Variants in TRHDE observed in about 807,000 individuals in gnomAD.
TRHDE encodes thyrotropin-releasing hormone-degrading ectoenzyme.
In TRHDE, 72 loss-of-function variants were observed where a neutral mutation model predicts 125.7. That is an observed-to-expected ratio of 0.57 (90% CI 0.47 to 0.70). TRHDE has a LOEUF of 0.70. TRHDE is among the 30% of genes least tolerant of loss of function. TRHDE has a pLI of 0.00. For missense variants in TRHDE, 1,110 were observed against 1,327.1 expected (o/e 0.84, Z 2.54); for synonymous variants, 509 against 509.1 (o/e 1.00, Z 0.00).
intron 5 of TRHDE, among the ~76,000 whole-genome samples, chr12:72,475,344 T>A (rs917441084): frequency 1.6e-4 from 25 of 152,170 alleles, no homozygotes; most frequent in Non-Finnish European, 1.5e-5. Flanking sequence ...TTATTACAAG[T>A]GATGTGTTAT....
At chr12:72,391,279 T>C (rs1333550829) in intron 3 of TRHDE, among the ~76,000 whole-genome samples, 2 of 152,216 alleles carry the variant, frequency 1.3e-5, no homozygotes, top group Non-Finnish European at 2.9e-5. Context: ...TACTTTGAAA[T>C]GTAAAGTAGA....
At chr12:72,347,140 T>C (rs1278277855) in intron 2 of TRHDE, among the ~76,000 whole-genome samples, 4 of 152,128 alleles carry the variant, frequency 2.6e-5, no homozygotes, top group East Asian at 1.9e-4. Flanking sequence ...GGCATATTTC[T>C]AAATAAATTC....
In TRHDE at chr12:72,325,253, T is replaced by C. The variant is rs1472735217; in HGVS notation, c.1188+38299T>C. On this transcript the variant is annotated intron_variant, in intron 2 of 18. Coordinates refer to ENST00000261180, the MANE Select transcript of TRHDE (RefSeq NM_013381.3). ...TAATTCTAAATGAAATTCTATTTCTTCAGTTTAAATCTGTACCCCCCAGTT... is the reference window on the plus strand; with the variant it reads ...TAATTCTAAATGAAATTCTATTTCTCCAGTTTAAATCTGTACCCCCCAGTT... 5.9e-5 allele frequency among the ~76,000 whole-genome samples: 9 copies of C among 152,154 alleles called. No individual in the cohort carries two copies. In the South Asian group the frequency reaches 1.9e-3, roughly 31 times the overall value.
chr12:72,610,287 T>G (rs1218047503), intron 12 of TRHDE, among the ~76,000 whole-genome samples: 1 of 152,218 alleles, frequency 6.6e-6, no homozygotes. Context: ...TCATGCATAG[T>G]CTGTCTTTAA....
At chr12:72,292,172 G>A (rs1345171380) in intron 2 of TRHDE, among the ~76,000 whole-genome samples, 1 of 152,100 alleles carries the variant, frequency 6.6e-6, no homozygotes, top group East Asian at 1.9e-4. Context: ...TCTTTATAAA[G>A]CCTTTTGCCT....
intron 2 of TRHDE, among the ~76,000 whole-genome samples, chr12:72,326,469 T>G (rs1330655621): frequency 6.6e-6 from 1 of 152,114 alleles, no homozygotes; most frequent in East Asian, 1.9e-4. Context: ...AAAACCTAGA[T>G]GACGGGTTGA....
At chr12:72,349,398 T>A (rs1402929235) in intron 2 of TRHDE, among the ~76,000 whole-genome samples, 1 of 152,090 alleles carries the variant, frequency 6.6e-6, no homozygotes, top group Non-Finnish European at 1.5e-5. Context: ...CCAGCAATGC[T>A]GTTATCAGAG....
intron 6 of TRHDE, among the ~76,000 whole-genome samples, chr12:72,525,644 A>T (rs748131644): frequency 0.053 from 7,226 of 136,810 alleles, 220 homozygotes; most frequent in Admixed American, 0.12. Flanking sequence ...TGAGAGAGAG[A>T]GAGAGAGAGA....
In TRHDE at chr12:72,134,204, T is replaced by C. The variant is rs1423756098; in HGVS notation, n.279+28452T>C. Reference sequence around the variant, plus strand: ...AAGAAACTAATTTCATTGTCCTTGGTCTGTTTTTTTCCCCCTAAGTTCATT... The same window carrying C: ...AAGAAACTAATTTCATTGTCCTTGGCCTGTTTTTTTCCCCCTAAGTTCATT... On this transcript the variant is annotated intron_variant and non_coding_transcript_variant, in intron 2 of 4. Coordinates refer to the TRHDE transcript ENST00000548156. Among the ~76,000 whole-genome samples the C allele has an allele frequency of 2.0e-5, 3 of 152,144 alleles. No homozygotes were observed. The East Asian group carries it at 5.8e-4, about 29-fold the overall frequency.
At chr12:72,360,301 T>C (rs1241490857) in intron 2 of TRHDE, among the ~76,000 whole-genome samples, 1 of 151,814 alleles carries the variant, frequency 6.6e-6, no homozygotes, top group African/African-American at 2.4e-5. Context: ...AAGGCTGTCA[T>C]AGACTGGGAG....
chr12:72,661,751 T>A (rs1874926991), intron 18 of TRHDE, among the ~76,000 whole-genome samples: 1 of 152,186 alleles, frequency 6.6e-6, no homozygotes, highest in South Asian at 2.1e-4. Flanking sequence ...TTCTTCCTTT[T>A]TTCTTAATAT....
Position 72,452,190 on chromosome 12 carries a change from G to GT in TRHDE, c.1316-17558dup, listed in dbSNP as rs34200701. On this transcript the variant is annotated intron_variant, in intron 3 of 18. Transcript: ENST00000261180. ...CTTATTGGTTATATTTATTCCTGAG[G>GT]TTTTTTTTTTGTAGATACTGTAAAC... is the stretch of plus-strand genomic sequence containing the variant. Among the ~76,000 whole-genome samples the GT allele has an allele frequency of 2.4e-3, 361 of 148,376 alleles. 1 individual carries two copies. The highest frequency in any genetic ancestry group is 0.01 in the Middle Eastern group (3 of 286).
chr12:72,591,848 A>C (rs1381387696), intron 12 of TRHDE, among the ~76,000 whole-genome samples: 1 of 151,968 alleles, frequency 6.6e-6, no homozygotes, highest in Non-Finnish European at 1.5e-5. Flanking sequence ...TCTGATGAGA[A>C]ATCAGCCATT....
intron 3 of TRHDE, among the ~76,000 whole-genome samples, chr12:72,468,711 G>A (rs1470354131): frequency 1.3e-5 from 2 of 152,174 alleles, no homozygotes; most frequent in East Asian, 3.9e-4. Context: ...TAGTCAGCGT[G>A]GCTTAGGTCC....
At chr12:72,320,885 C>A (rs1473236176) in intron 2 of TRHDE, among the ~76,000 whole-genome samples, 1 of 152,082 alleles carries the variant, frequency 6.6e-6, no homozygotes, top group African/African-American at 2.4e-5. Flanking sequence ...GGTGAAAATA[C>A]TTGCTCTAGC....
intron 2 of TRHDE, among the ~76,000 whole-genome samples, chr12:72,207,497 A>C (rs1239888766): frequency 6.6e-6 from 1 of 152,212 alleles, no homozygotes; most frequent in South Asian, 2.1e-4. Flanking sequence ...TTCCCTAATA[A>C]AAAGGACAGC....
intron 2 of TRHDE, among the ~76,000 whole-genome samples, chr12:72,210,395 G>A (rs1412713876): frequency 1.3e-5 from 2 of 151,936 alleles, no homozygotes; most frequent in Non-Finnish European, 2.9e-5. Context: ...TTTATTTCTT[G>A]CCCTGCAGAT....
chr12:72,400,566 C>A (rs953302650), intron 3 of TRHDE, among the ~76,000 whole-genome samples: 1 of 152,106 alleles, frequency 6.6e-6, no homozygotes, highest in Non-Finnish European at 1.5e-5. Context: ...GTAGTGAGGA[C>A]TTTGCAGAGA....
intron 7 of TRHDE, among the ~76,000 whole-genome samples, chr12:72,549,850 A>G (rs1241116519): frequency 1.3e-5 from 2 of 151,872 alleles, no homozygotes; most frequent in Admixed American, 6.6e-5. Context: ...TTATTCATCA[A>G]TTTTTAAAAT....
Sources: allele counts gnomAD v4.1 joint callset (sites outside exome capture counted in the v4.1 genomes callset), GRCh38; gene constraint gnomAD v4.1.1; transcripts MANE v1.5; gene names NCBI Gene and HGNC (gene_info 2026-07-23, HGNC 2026-07-21).